GK5: variants seen among roughly 807,000 people sequenced by gnomAD.
GK5 encodes ATP:glycerol 3-phosphotransferase 5.
A neutral mutation model predicts 77.3 loss-of-function variants in GK5; 39 were observed. The ratio of observed to expected loss-of-function variants is 0.50; its 90% CI spans 0.39 to 0.66. The LOEUF is 0.66. Ranked by LOEUF, GK5 falls within the 30% of genes least tolerant of loss-of-function variation. The pLI is 0.00. For missense variants in GK5, 487 were observed against 633.8 expected, an observed-to-expected ratio of 0.77 and a Z score of 2.49; for synonymous variants, 211 against 208.0, an observed-to-expected ratio of 1.01 and a Z score of -0.13.
chr3:142,175,753 C>T (rs2063601048), intron 12 of GK5, among the ~76,000 whole-genome samples: 1 of 151,598 alleles, frequency 6.6e-6, no homozygotes, highest in Non-Finnish European at 1.5e-5. Flanking sequence ...ATTTTGCTAT[C>T]AAGAGGAAAT....
At chr3:142,211,493 G>GA (rs984346226) in intron 3 of GK5, among the ~76,000 whole-genome samples, 2 of 151,828 alleles carry the variant, frequency 1.3e-5, no homozygotes, top group African/African-American at 4.8e-5. Flanking sequence ...AGCATGTCCT[G>GA]AAAAAAAAGA....
intron 5 of GK5, among the ~76,000 whole-genome samples, chr3:142,195,745 G>A (rs2063924954): frequency 6.6e-6 from 1 of 152,106 alleles, no homozygotes; most frequent in Admixed American, 6.6e-5. Context: ...AGGGAATACT[G>A]GCCTAAAAGA....
intron 5 of GK5, among the ~76,000 whole-genome samples, chr3:142,189,814 C>T (rs2063823917): frequency 6.6e-6 from 1 of 152,170 alleles, no homozygotes; most frequent in African/African-American, 2.4e-5. Flanking sequence ...TGAGATAATC[C>T]TGTTAACTGG....
At chr3:142,182,350 A>AT (rs144059110) in intron 10 of GK5, among the ~76,000 whole-genome samples, 86 of 147,766 alleles carry the variant, frequency 5.8e-4, no homozygotes, top group Admixed American at 1.1e-3. Flanking sequence ...TAGTAAGAAG[A>AT]TTTTTTTTTT....
At chr3:142,179,413 G>A (rs1292823780) in intron 11 of GK5, among the ~76,000 whole-genome samples, 1 of 152,122 alleles carries the variant, frequency 6.6e-6, no homozygotes, top group East Asian at 1.9e-4. Flanking sequence ...GCCAAGTATG[G>A]TGGCGTGCCT....
At chr3:142,186,819 C>CG (rs1304629920) in intron 6 of GK5, among the ~76,000 whole-genome samples, 1 of 151,722 alleles carries the variant, frequency 6.6e-6, no homozygotes, top group Non-Finnish European at 1.5e-5. Flanking sequence ...TTAGTAGAGA[C>CG]GGGGTTTCTC....
At position 142,174,496 on chromosome 3, in the gene GK5, T is replaced by G. The variant is rs145206771; in HGVS notation, c.1144-2040A>C. 5.3e-5 allele frequency among the ~76,000 whole-genome samples: 8 copies of G among 152,316 alleles called. No homozygotes were observed. In the East Asian group the frequency reaches 1.4e-3, roughly 26 times the overall value. On this transcript the variant is annotated intron_variant, in intron 12 of 15. Transcript: ENST00000392993. ...TTTTTCCTGCATAAATATGACTTCT[T>G]CCAGGATATCACAGAAAATACTGCT...
intron 5 of GK5, 35 bp downstream of exon 5, chr3:142,198,767 C>A: frequency 6.4e-7 from 1 of 1,565,016 alleles, no homozygotes; most frequent in Non-Finnish European, 8.7e-7. Context: ...TCCACATACA[C>A]ACATATTTTC....
chr3:142,197,977 C>T (rs1441264729), intron 5 of GK5, among the ~76,000 whole-genome samples: 2 of 150,224 alleles, frequency 1.3e-5, no homozygotes, highest in African/African-American at 2.5e-5. Context: ...GAGCTGAGAT[C>T]GCACATTGCA....
At position 142,187,721 on chromosome 3, in the gene GK5, A is replaced by AAC; in HGVS notation, c.600_601dup (p.Leu201CysfsTer34). The AAC allele has an allele frequency of 6.2e-7, 1 of 1,610,728 alleles. No homozygotes were observed. Among genetic ancestry groups the AAC allele is most frequent in the Non-Finnish European group, 8.5e-7 (1 of 1,178,280 alleles). The stretch of plus-strand genomic sequence containing the variant: ...ATCTTTACCTTTTGTGAGCTTATAT[A>AAC]ACAACCAGGTATCAATAGTCCCAAA... On this transcript the variant is annotated frameshift_variant, in exon 6 of 16. Transcript: ENST00000392993. LOFTEE classifies it high-confidence loss of function.
chr3:142,218,430 T>C (rs1464007237), intron 1 of GK5, among the ~76,000 whole-genome samples: 17 of 144,940 alleles, frequency 1.2e-4, no homozygotes, highest in Non-Finnish European at 1.8e-4. Context: ...TAGTCCCAGC[T>C]ACTCGTGAGG....
chr3:142,210,435 C>A (rs144576856), intron 3 of GK5, among the ~76,000 whole-genome samples: 2 of 152,116 alleles, frequency 1.3e-5, no homozygotes, highest in Non-Finnish European at 2.9e-5. Context: ...TTTGCTAGGG[C>A]TCTTGTGGAA....
At chr3:142,192,150 A>G (rs1028431869) in intron 5 of GK5, among the ~76,000 whole-genome samples, 15 of 152,242 alleles carry the variant, frequency 9.9e-5, no homozygotes, top group African/African-American at 3.6e-4. Flanking sequence ...ACACCTATTG[A>G]AACAATAAGA....
chr3:142,191,925 A>G (rs1283572006), intron 5 of GK5, among the ~76,000 whole-genome samples: 1 of 152,076 alleles, frequency 6.6e-6, no homozygotes, highest in Non-Finnish European at 1.5e-5. Context: ...TGAGCCCATG[A>G]GTTTTGAGGC....
chr3:142,187,308 A>G (rs1468358828), intron 6 of GK5, among the ~76,000 whole-genome samples: 1 of 152,136 alleles, frequency 6.6e-6, no homozygotes, highest in Non-Finnish European at 1.5e-5. Context: ...AGGGGGAAAA[A>G]AAAAAAAACT....
In GK5 at chr3:142,176,056, T is replaced by C. The variant is rs535352175; in HGVS notation, c.1143+1426A>G. On this transcript the variant is annotated intron_variant, in intron 12 of 15. Transcript: ENST00000392993. The stretch of plus-strand genomic sequence containing the variant: ...TGAAATCTCAATTAGATAAAAAATT[T>C]TCACTTTCTGGACTATGATAGGTGC... 1.6e-3 allele frequency among the ~76,000 whole-genome samples: 236 copies of C among 152,108 alleles called. 1 individual carries two copies. Among genetic ancestry groups the C allele is most frequent in the African/African-American group, 5.6e-3 (232 of 41,546 alleles).
rs564044863 is a variant in GK5, at chr3:142,174,857, A to AC, written c.1144-2402dup. On this transcript the variant is annotated intron_variant, in intron 12 of 15. Coordinates refer to ENST00000392993, the MANE Select transcript of GK5 (RefSeq NM_001039547.3). ...AAAACCAGGAAACCCGAAGAAAAAG[A>AC]CCTCATCAATGGGGGAACTGAAGCT... is the stretch of plus-strand genomic sequence containing the variant. Among the ~76,000 whole-genome samples, 64 of 152,304 alleles carry AC rather than the reference A, an allele frequency of 4.2e-4. 1 individual carries two copies. The highest frequency in any genetic ancestry group is 2.9e-5 in the Non-Finnish European group (2 of 68,020).
At position 142,183,048 on chromosome 3, in the gene GK5, A is replaced by C. The variant is rs1250134202; in HGVS notation, c.818T>G (p.Val273Gly). Residue 273 changes from valine (V) to glycine (G), a missense_variant and splice_region_variant, in exon 10 of 16, where the codon GTT (valine) becomes GGT (glycine). Physicochemically the swap from Val to Gly is moderately radical, Grantham distance 109. Around this residue, in one of 4 missense-constraint regions of GK5, gnomAD observed 323 missense variants for 437.4 expected, o/e 0.74. Coordinates refer to ENST00000392993, the MANE Select transcript of GK5 (RefSeq NM_001039547.3). Reference protein sequence around the residue: ...FGVPIPIVALVADQQSAMFGE... With the variant: ...FGVPIPIVALGADQQSAMFGE... Reference sequence around the variant, plus strand: ...AAACATGGCTGATTGCTGGTCAGCAACCTACCAAAAATGTTCAAATGTAAA... The same window carrying C: ...AAACATGGCTGATTGCTGGTCAGCACCCTACCAAAAATGTTCAAATGTAAA... The C allele has an allele frequency of 6.2e-7, 1 of 1,613,730 alleles. No individual in the cohort carries two copies. Among genetic ancestry groups the C allele is most frequent in the Admixed American group, 1.7e-5 (1 of 59,978 alleles).
chr3:142,179,312 G>A (rs976010258), intron 11 of GK5, among the ~76,000 whole-genome samples: 4 of 152,046 alleles, frequency 2.6e-5, no homozygotes, highest in Non-Finnish European at 5.9e-5. Flanking sequence ...TATCAAATCC[G>A]TAAGTTTCAT....
Sources: allele counts gnomAD v4.1 joint callset (sites outside exome capture counted in the v4.1 genomes callset), GRCh38; gene constraint gnomAD v4.1.1; regional missense constraint gnomAD v4.1.1; transcripts MANE v1.5; gene names NCBI Gene and HGNC (gene_info 2026-07-23, HGNC 2026-07-21).